KIF1B: variants seen among roughly 807,000 people sequenced by gnomAD.
KIF1B encodes the protein kinesin-like protein KIF1B.
A neutral mutation model predicts 241.9 loss-of-function variants in KIF1B; 76 were observed. The ratio of observed to expected loss-of-function variants is 0.31; its 90% confidence interval spans 0.26 to 0.38. KIF1B has a LOEUF of 0.38. KIF1B is among the 10% of genes least tolerant of loss of function. KIF1B has a pLI of 1.00. For missense variants in KIF1B, 1,622 were observed against 2,271.4 expected (o/e 0.71, Z 5.81); for synonymous variants, 750 against 796.7 (o/e 0.94, Z 0.99).
At chr1:10,320,418 C>G (rs1651474378) in intron 23 of KIF1B, among the ~76,000 whole-genome samples, 1 of 152,166 alleles carries the variant, frequency 6.6e-6, no homozygotes, top group South Asian at 2.1e-4. Context: ...CACTGTCTCT[C>G]ATATTGCTGT....
At chr1:10,282,587 G>T in intron 15 of KIF1B, 54 bp downstream of exon 15, 2 of 1,411,870 alleles carry the variant, frequency 1.4e-6, no homozygotes, top group Non-Finnish European at 1.0e-6. Flanking sequence ...CCACAAGGAA[G>T]AACTAGGAGT....
intron 7 of KIF1B, among the ~76,000 whole-genome samples, chr1:10,269,738 A>T (rs554961569): frequency 6.6e-6 from 1 of 152,260 alleles, no homozygotes; most frequent in East Asian, 1.9e-4. Context: ...GAATCGCTTG[A>T]ACCTGGGAGG....
At chr1:10,235,685 A>G (rs1044393418) in intron 2 of KIF1B, among the ~76,000 whole-genome samples, 2 of 151,974 alleles carry the variant, frequency 1.3e-5, no homozygotes, top group African/African-American at 4.8e-5. Context: ...ACATGATGAA[A>G]CCTCGTCTCT....
intron 1 of KIF1B, among the ~76,000 whole-genome samples, chr1:10,217,342 TC>T (rs1646782420): frequency 7.2e-6 from 1 of 138,438 alleles, no homozygotes; most frequent in Non-Finnish European, 1.6e-5. Flanking sequence ...TCTTTCTTTT[TC>T]TTTTTTTTTT....
chr1:10,220,385 TAGATAGATAGATGATA>T (rs1014916911), intron 1 of KIF1B, among the ~76,000 whole-genome samples: 2 of 134,160 alleles, frequency 1.5e-5, no homozygotes, highest in Non-Finnish European at 3.2e-5. Context: ...GATAGATAGA[TAGATAGATAGATGATA>T]GATAGATAGA....
At chr1:10,222,126 G>A (rs1046150219) in intron 1 of KIF1B, among the ~76,000 whole-genome samples, 5 of 152,154 alleles carry the variant, frequency 3.3e-5, no homozygotes, top group South Asian at 2.1e-4. Context: ...GGAATCAGTC[G>A]AATAATTTTA....
At chr1:10,307,637 C>G (rs1650894621) in intron 22 of KIF1B, 2 of 1,014,822 alleles carry the variant, frequency 2.0e-6, no homozygotes, top group Middle Eastern at 4.7e-4. Flanking sequence ...TGATTTTTCT[C>G]TAAGCTTAAA....
chr1:10,346,738 AT>A (rs745371827), intron 35 of KIF1B, among the ~76,000 whole-genome samples: 9 of 152,236 alleles, frequency 5.9e-5, no homozygotes, highest in Non-Finnish European at 1.2e-4. Context: ...TGCATAGAAT[AT>A]GGTAAAGACT....
intron 22 of KIF1B, among the ~76,000 whole-genome samples, chr1:10,299,725 A>G (rs1300013162): frequency 6.6e-6 from 1 of 152,046 alleles, no homozygotes; most frequent in African/African-American, 2.4e-5. Flanking sequence ...TATTTTCTTC[A>G]GTTAGTGCTC....
At chr1:10,279,222 A>G (rs1389516329) in intron 14 of KIF1B, 84 bp downstream of exon 14, 1 of 857,460 alleles carries the variant, frequency 1.2e-6, no homozygotes, top group African/African-American at 1.6e-5. Context: ...TAAGCTTTGC[A>G]TGCTGGCAAT....
intron 48 of KIF1B, among the ~76,000 whole-genome samples, 195 bp downstream of exon 48, chr1:10,375,568 A>T (rs1638859669): frequency 6.6e-6 from 1 of 151,908 alleles, no homozygotes; most frequent in South Asian, 2.1e-4. Context: ...TATTTTTTGT[A>T]GAGACGGGGT....
intron 7 of KIF1B, among the ~76,000 whole-genome samples, chr1:10,270,327 G>A (rs953303073): frequency 1.8e-4 from 27 of 152,192 alleles, no homozygotes; most frequent in Admixed American, 9.8e-4. Flanking sequence ...TTATATAAAT[G>A]GAATCATAGA....
Position 10,286,841 on chromosome 1 carries a change from A to AT in KIF1B, c.1435-4229dup, listed in dbSNP as rs113522405. Among the ~76,000 whole-genome samples the AT allele has an allele frequency of 6.4e-3, 941 of 147,620 alleles. 13 individuals carry two copies. The highest frequency in any genetic ancestry group is 0.019 in the African/African-American group (750 of 40,404). ...TCCTGGTGTCCCTCTGTTTTTTGGA[A>AT]TTTTTTTTTTTTCAAAGAAAGGGAG... On this transcript the variant is annotated intron_variant, in intron 15 of 48. Coordinates refer to ENST00000676179, the MANE Select transcript of KIF1B (RefSeq NM_001365951.3).
At chr1:10,264,837 A>G (rs1648359224) in intron 5 of KIF1B, among the ~76,000 whole-genome samples, 1 of 151,512 alleles carries the variant, frequency 6.6e-6, no homozygotes, top group African/African-American at 2.4e-5. Flanking sequence ...AATTTTCTGT[A>G]TTTTTAGTAG....
Position 10,303,062 on chromosome 1 carries a change from G to T in KIF1B, c.2115+5816G>T. On this transcript the variant is annotated intron_variant, in intron 22 of 48. Coordinates refer to ENST00000676179, the MANE Select transcript of KIF1B (RefSeq NM_001365951.3). The surrounding 1 kb of genome is among the most constrained non-coding windows in gnomAD (Gnocchi z 5.2). Reference sequence around the variant, plus strand: ...TTTTTTGGTCTTATTTTTAAATTTGGTTAAGGCTTTTTTGCTTGCTTTTTC... The same window carrying T: ...TTTTTTGGTCTTATTTTTAAATTTGTTTAAGGCTTTTTTGCTTGCTTTTTC... 7.1e-7 allele frequency: 1 copy of T among 1,404,560 alleles called. No individual in the cohort carries two copies. The highest frequency in any genetic ancestry group is 9.6e-7 in the Non-Finnish European group (1 of 1,042,874). The allele number at this position is 1,404,560 out of a possible 1,614,324, so 87.0% of individuals were successfully genotyped here.
rs1638553894 is a variant in KIF1B, at chr1:10,365,742, G to A, written c.4752+94G>A. ...CATTTTCAACACCTTTGTTCGAGGT[G>A]TTTGAAGGCCTGTGATAATACTGTG... is the stretch of plus-strand genomic sequence containing the variant. On this transcript the variant is annotated intron_variant, in intron 43 of 48. Coordinates refer to ENST00000676179, the MANE Select transcript of KIF1B (RefSeq NM_001365951.3). This position sits in a 1 kb window ranked among gnomAD's most constrained non-coding sequence, Gnocchi z 4.0. The A allele has an allele frequency of 1.7e-5, 26 of 1,533,998 alleles. No homozygotes were observed. In the Admixed American group the frequency reaches 3.7e-4, roughly 22 times the overall value.
chr1:10,320,670 CT>C (rs1484586027), intron 23 of KIF1B, among the ~76,000 whole-genome samples: 1 of 152,222 alleles, frequency 6.6e-6, no homozygotes, highest in Non-Finnish European at 1.5e-5. Context: ...AATCTCAAGG[CT>C]TCAAACTAAC....
At chr1:10,269,511 T>C (rs1247603631) in intron 7 of KIF1B, among the ~76,000 whole-genome samples, 1 of 125,942 alleles carries the variant, frequency 7.9e-6, no homozygotes, top group Non-Finnish European at 1.6e-5. Flanking sequence ...CGAGACTCTG[T>C]CTCAAAAAAA....
intron 5 of KIF1B, among the ~76,000 whole-genome samples, chr1:10,262,188 C>T (rs1648189529): frequency 6.6e-6 from 1 of 152,076 alleles, no homozygotes; most frequent in Non-Finnish European, 1.5e-5. Context: ...CACTCTGTTG[C>T]CCAGGCCCTG....
Sources: allele counts gnomAD v4.1 joint callset (sites outside exome capture counted in the v4.1 genomes callset), GRCh38; gene constraint gnomAD v4.1.1; non-coding constraint Gnocchi (gnomAD v3.1); transcripts MANE v1.5; gene names NCBI Gene and HGNC (gene_info 2026-07-23, HGNC 2026-07-21).